The following SCAI variants were observed in gnomAD, a reference collection of about 807,000 sequenced individuals.
The protein encoded by SCAI is suppressor of cancer cell invasion, also known as protein SCAI.
In SCAI, 24 loss-of-function variants were observed where a neutral mutation model predicts 92.2. That is an observed-to-expected ratio of 0.26 (90% CI 0.19 to 0.37). The LOEUF (loss-of-function observed/expected upper bound fraction) is 0.37. Among genes scored for constraint, SCAI ranks in the 10% least tolerant of loss-of-function variants. The pLI is 1.00. For missense variants in SCAI, 450 were observed against 736.2 expected (o/e 0.61, Z 4.50); for synonymous variants, 261 against 258.6 (o/e 1.01, Z -0.09).
chr9:124,987,507 A>G (rs1251632810), intron 14 of SCAI, among the ~76,000 whole-genome samples: 3 of 152,138 alleles, frequency 2.0e-5, no homozygotes, highest in Non-Finnish European at 2.9e-5. Context: ...GACAAGCCTG[A>G]AAAGCTACTC....
intron 3 of SCAI, among the ~76,000 whole-genome samples, chr9:125,037,025 T>C (rs1241250598): frequency 2.6e-5 from 4 of 152,032 alleles, no homozygotes; most frequent in Admixed American, 2.6e-4. Flanking sequence ...TCCCAGCACT[T>C]TGGGAGGCCG....
chr9:125,059,376 G>A (rs1464387922), intron 2 of SCAI, among the ~76,000 whole-genome samples: 1 of 152,208 alleles, frequency 6.6e-6, no homozygotes, highest in Non-Finnish European at 1.5e-5. Context: ...CTGCTGTAAA[G>A]GATGTTATTG....
intron 2 of SCAI, among the ~76,000 whole-genome samples, chr9:125,064,936 G>A (rs1272631953): frequency 6.6e-6 from 1 of 152,044 alleles, no homozygotes; most frequent in African/African-American, 2.4e-5. Flanking sequence ...ATAATGAAAA[G>A]TAGAAAACAT....
intron 2 of SCAI, among the ~76,000 whole-genome samples, chr9:125,134,347 C>G (rs1043248541): frequency 1.3e-5 from 2 of 152,178 alleles, no homozygotes; most frequent in Admixed American, 1.3e-4. Flanking sequence ...CCCATTAATA[C>G]ATGAGATTTT....
At chr9:125,024,736 G>A (rs1832935895) in intron 6 of SCAI, among the ~76,000 whole-genome samples, 1 of 152,152 alleles carries the variant, frequency 6.6e-6, no homozygotes, top group South Asian at 2.1e-4. Context: ...AAAACCTCTT[G>A]GGTATTCAGA....
chr9:125,052,191 A>G (rs1432250890), intron 3 of SCAI, among the ~76,000 whole-genome samples: 2 of 152,258 alleles, frequency 1.3e-5, no homozygotes, highest in Non-Finnish European at 1.5e-5. Flanking sequence ...TACAATACCA[A>G]AAGTACAAGC....
intron 9 of SCAI, among the ~76,000 whole-genome samples, chr9:125,014,502 C>T (rs1287729500): frequency 6.6e-6 from 1 of 152,080 alleles, no homozygotes; most frequent in Non-Finnish European, 1.5e-5. Flanking sequence ...TCAAGGAGAA[C>T]TACAAACCAC....
In SCAI at chr9:124,994,803, A is replaced by G. The variant is rs931077752; in HGVS notation, c.1326+131T>C. On this transcript the variant is annotated intron_variant, in intron 14 of 17. Transcript: ENST00000336505. Reference sequence around the variant, plus strand: ...GACTAGCATGCACAACCTCAAAAGAAAAGAAACACTAAATACAAACTGTGT... The same window carrying G: ...GACTAGCATGCACAACCTCAAAAGAGAAGAAACACTAAATACAAACTGTGT... 1.3e-5 allele frequency: 7 copies of G among 532,788 alleles called. No homozygotes were observed. The African/African-American group carries it at 1.4e-4, about 10-fold the overall frequency. 33.0% of individuals were successfully genotyped at this position (532,788 alleles called of 1,614,324 possible).
chr9:125,132,904 G>A (rs536514661), intron 2 of SCAI, among the ~76,000 whole-genome samples: 18 of 152,252 alleles, frequency 1.2e-4, no homozygotes, highest in Admixed American at 1.1e-3. Flanking sequence ...GGCAGAGGTT[G>A]CAGTAAGCCA....
intron 9 of SCAI, among the ~76,000 whole-genome samples, chr9:125,012,947 T>G (rs1161924833): frequency 6.6e-6 from 1 of 151,094 alleles, no homozygotes; most frequent in Non-Finnish European, 1.5e-5. Flanking sequence ...CATAACGAAA[T>G]GAAGGCAGAA....
intron 5 of SCAI, 92 bp downstream of exon 5, chr9:125,028,300 T>G (rs1833001523): frequency 1.4e-6 from 1 of 690,734 alleles, no homozygotes; most frequent in South Asian, 1.8e-5. Context: ...GTGATTTTCA[T>G]GCCTAGCAAT....
intron 2 of SCAI, among the ~76,000 whole-genome samples, chr9:125,077,221 T>C (rs1834108264): frequency 6.6e-6 from 1 of 152,242 alleles, no homozygotes; most frequent in Non-Finnish European, 1.5e-5. Context: ...GCATGATAGG[T>C]AAGAAAAGAA....
intron 13 of SCAI, among the ~76,000 whole-genome samples, chr9:124,998,653 A>G (rs1317760984): frequency 1.3e-5 from 2 of 152,136 alleles, no homozygotes; most frequent in Non-Finnish European, 2.9e-5. Context: ...TTTTTGACAC[A>G]GAGTCTTGCT....
intron 2 of SCAI, among the ~76,000 whole-genome samples, chr9:125,128,056 T>C: frequency 6.6e-6 from 1 of 150,992 alleles, no homozygotes; most frequent in East Asian, 1.9e-4. Flanking sequence ...CTCACAGCTA[T>C]AATTCCAGAA....
chr9:125,095,361 G>T (rs2131203296), intron 2 of SCAI, among the ~76,000 whole-genome samples: 1 of 152,316 alleles, frequency 6.6e-6, no homozygotes, highest in East Asian at 1.9e-4. Flanking sequence ...ACATTAAGTT[G>T]TGTCTCAAAT....
chr9:124,975,478 G>A (rs1055205686), intron 15 of SCAI: 1 of 316,790 alleles, frequency 3.2e-6, no homozygotes, highest in Non-Finnish European at 6.6e-6. Flanking sequence ...CTAAATGACT[G>A]GGAGTTAGAA....
At chr9:125,128,785 G>T (rs1004983030) in intron 2 of SCAI, among the ~76,000 whole-genome samples, 1 of 144,566 alleles carries the variant, frequency 6.9e-6, no homozygotes, top group East Asian at 2.1e-4. Context: ...AATTCAGGCC[G>T]GGCACAGTGG....
chr9:125,004,765 ATATATATATATATATTTTTTTTTTTTT>A (rs1374473508), intron 9 of SCAI, among the ~76,000 whole-genome samples: 2 of 7,322 alleles, frequency 2.7e-4, no homozygotes, highest in African/African-American at 7.9e-4. Flanking sequence ...ATATATATAT[ATATATATATATATATTTTTTTTTTTTT>A]TTTTTTTTTT....
At chr9:125,072,257 C>T (rs1353846351) in intron 2 of SCAI, among the ~76,000 whole-genome samples, 1 of 152,156 alleles carries the variant, frequency 6.6e-6, no homozygotes, top group Admixed American at 6.5e-5. Flanking sequence ...CTCCTGACCT[C>T]ATGATCCGCC....
Sources: gnomAD v4.1 joint callset for allele counts (sites outside exome capture counted in the v4.1 genomes callset) on GRCh38, gnomAD v4.1.1 for gene constraint, MANE v1.5 for transcripts, NCBI Gene and HGNC (gene_info 2026-07-23, HGNC 2026-07-21) for gene names.